The following RORA variants were observed in gnomAD, a reference collection of about 807,000 sequenced individuals.
The protein encoded by RORA is nuclear receptor ROR-alpha.
A neutral mutation model predicts 69.5 loss-of-function variants in RORA; 7 were observed. That is an observed-to-expected ratio of 0.10 (90% CI 0.06 to 0.19). The LOEUF is 0.19. RORA is among the 10% of genes least tolerant of loss of function. RORA has a pLI of 1.00. For missense variants in RORA, 457 were observed against 663.0 expected, an observed-to-expected ratio of 0.69 and a Z score of 3.41; for synonymous variants, 261 against 240.8, an observed-to-expected ratio of 1.08 and a Z score of -0.78.
intron 1 of RORA, among the ~76,000 whole-genome samples, chr15:61,137,242 C>T (rs562070699): frequency 7.6e-4 from 116 of 152,294 alleles, no homozygotes; most frequent in African/African-American, 2.7e-3. Flanking sequence ...CAAACTCCAA[C>T]ATGTTTTATT....
At chr15:61,050,688 T>A (rs1444929112) in intron 1 of RORA, among the ~76,000 whole-genome samples, 11 of 152,178 alleles carry the variant, frequency 7.2e-5, no homozygotes. Flanking sequence ...CAGGGGTTGG[T>A]CTTGGCTGTG....
intron 1 of RORA, among the ~76,000 whole-genome samples, chr15:61,079,898 C>G (rs1431656670): frequency 6.6e-6 from 1 of 152,130 alleles, no homozygotes; most frequent in East Asian, 1.9e-4. Flanking sequence ...CGACCATGAG[C>G]AAGTTACTTA....
chr15:60,862,442 T>C (rs1160670533), intron 1 of RORA, among the ~76,000 whole-genome samples: 1 of 152,226 alleles, frequency 6.6e-6, no homozygotes, highest in Admixed American at 6.5e-5. Context: ...GCTAGCATCC[T>C]AGCATGAGAG....
intron 1 of RORA, among the ~76,000 whole-genome samples, chr15:60,876,703 C>T (rs138344365): frequency 2.0e-5 from 3 of 152,172 alleles, no homozygotes; most frequent in Non-Finnish European, 4.4e-5. Context: ...AGTGTTTATG[C>T]TTCAATCATT....
chr15:61,221,479 C>T (rs1166415864), intron 1 of RORA, among the ~76,000 whole-genome samples: 2 of 152,140 alleles, frequency 1.3e-5, no homozygotes, highest in Non-Finnish European at 2.9e-5. Flanking sequence ...TTTTTATTCT[C>T]GTGGCTAGTT....
At chr15:60,525,333 A>T (rs895711452) in intron 3 of RORA, among the ~76,000 whole-genome samples, 3 of 152,278 alleles carry the variant, frequency 2.0e-5, no homozygotes, top group East Asian at 3.9e-4. Context: ...GTGGCTGGGA[A>T]GGTGAACGGG....
rs558686364 is a variant in RORA, at chr15:61,169,488, A to T, written c.166+59565T>A. On this transcript the variant is annotated intron_variant, in intron 1 of 10. Transcript: ENST00000335670. Reference sequence around the variant, plus strand: ...GAGGATAACCTTGTTAAGTGAGAGGAAGAGTGGTACCCCCTCTCTGCCTCC... The same window carrying T: ...GAGGATAACCTTGTTAAGTGAGAGGTAGAGTGGTACCCCCTCTCTGCCTCC... Among the ~76,000 whole-genome samples the T allele has an allele frequency of 3.3e-5, 5 of 151,784 alleles. No homozygotes were observed. In the East Asian group the frequency reaches 7.8e-4, roughly 24 times the overall value.
At chr15:61,139,797 C>T (rs1159814) in intron 1 of RORA, among the ~76,000 whole-genome samples, 71,002 of 152,082 alleles carry the variant, frequency 0.47, 17,957 homozygotes, top group Non-Finnish European at 0.58. Context: ...GAAAAGAACC[C>T]AAAAATAAAT....
At chr15:61,185,380 C>T (rs1325237948) in intron 1 of RORA, among the ~76,000 whole-genome samples, 1 of 91,310 alleles carries the variant, frequency 1.1e-5, no homozygotes, top group Non-Finnish European at 2.6e-5. Context: ...ACCAGACTGG[C>T]AGGATCTCTA....
chr15:60,762,083 A>G (rs1427680462), intron 1 of RORA, among the ~76,000 whole-genome samples: 1 of 152,204 alleles, frequency 6.6e-6, no homozygotes, highest in Non-Finnish European at 1.5e-5. Flanking sequence ...TTTGTCAACC[A>G]AGTTTTTGAA....
At chr15:60,929,667 A>G (rs190319903) in intron 1 of RORA, among the ~76,000 whole-genome samples, 1 of 152,208 alleles carries the variant, frequency 6.6e-6, no homozygotes, top group East Asian at 1.9e-4. Context: ...AAGTGCTACA[A>G]GACATCTGAT....
At chr15:61,040,113 G>C (rs1379993011) in intron 1 of RORA, among the ~76,000 whole-genome samples, 1 of 46,302 alleles carries the variant, frequency 2.2e-5, no homozygotes, top group Non-Finnish European at 4.1e-5. Context: ...CACAAGCTTT[G>C]ATATATATAT....
chr15:60,644,429 GGAA>G lies in RORA; in HGVS notation c.196+34225_196+34227del, dbSNP rs1463165588. Among the ~76,000 whole-genome samples, 5 of 152,254 alleles carry G rather than the reference GGAA, an allele frequency of 3.3e-5. No homozygotes were observed. In the South Asian group the frequency reaches 8.3e-4, roughly 25 times the overall value. On this transcript the variant is annotated intron_variant, in intron 2 of 10. Coordinates refer to ENST00000335670, the MANE Select transcript of RORA (RefSeq NM_134261.3). Reference sequence around the variant, plus strand: ...GACGGCCCCAGATACGTCTCTTCTTGGAAGAAGATTATATTTTGAAATGTCTCT... The same window carrying G: ...GACGGCCCCAGATACGTCTCTTCTTGGAAGATTATATTTTGAAATGTCTCT...
intron 2 of RORA, among the ~76,000 whole-genome samples, chr15:60,579,082 T>C (rs77445450): frequency 1.3e-5 from 2 of 151,146 alleles, no homozygotes; most frequent in Non-Finnish European, 3.0e-5. Context: ...TTTTTTTTTT[T>C]TTTTAACAGC....
At chr15:60,797,240 C>G (rs2072511801) in intron 1 of RORA, among the ~76,000 whole-genome samples, 1 of 151,828 alleles carries the variant, frequency 6.6e-6, no homozygotes, top group African/African-American at 2.4e-5. Flanking sequence ...TACTGAATTG[C>G]ACACTTAAAA....
intron 10 of RORA, among the ~76,000 whole-genome samples, chr15:60,497,984 G>A (rs544448168): frequency 9.3e-4 from 141 of 152,076 alleles, no homozygotes; most frequent in Non-Finnish European, 1.6e-3. Context: ...GCTAGAACCC[G>A]GGAGGTGGAA....
At chr15:61,115,669 G>A (rs928209457) in intron 1 of RORA, among the ~76,000 whole-genome samples, 57 of 152,154 alleles carry the variant, frequency 3.7e-4, no homozygotes, top group Admixed American at 4.6e-4. Flanking sequence ...ACATGGTTTG[G>A]GGGACTCAAG....
chr15:61,121,099 C>T (rs1475033158), intron 1 of RORA, among the ~76,000 whole-genome samples: 1 of 151,608 alleles, frequency 6.6e-6, no homozygotes, highest in Admixed American at 6.6e-5. Flanking sequence ...AACCACCCGC[C>T]TCAGCCTCCC....
chr15:60,612,476 C>T (rs1357353015), intron 2 of RORA, among the ~76,000 whole-genome samples: 1 of 152,102 alleles, frequency 6.6e-6, no homozygotes, highest in Non-Finnish European at 1.5e-5. Context: ...TAATTTTTAC[C>T]TCCTTTAGCG....
Sources: gnomAD v4.1 joint callset for allele counts (sites outside exome capture counted in the v4.1 genomes callset) on GRCh38, gnomAD v4.1.1 for gene constraint, MANE v1.5 for transcripts, NCBI Gene and HGNC (gene_info 2026-07-23, HGNC 2026-07-21) for gene names.